The following AIFM1 variants were observed in gnomAD, a reference collection of about 807,000 sequenced individuals.
AIFM1 encodes the protein apoptosis inducing factor mitochondria associated 1, also known as apoptosis-inducing factor 1, mitochondrial.
AIFM1 carries 3 observed loss-of-function variants against 51.7 expected under a neutral mutation model. The ratio of observed to expected loss-of-function variants is 0.06; its 90% CI spans 0.03 to 0.15. AIFM1 has a LOEUF of 0.15. Ranked by LOEUF, AIFM1 falls within the 10% of genes least tolerant of loss-of-function variation. AIFM1 has a pLI of 1.00. For missense variants in AIFM1, 330 were observed against 476.8 expected (o/e 0.69, Z 2.87); for synonymous variants, 178 against 179.4 (o/e 0.99, Z 0.06).
At chrX:130,160,090 C>T (rs1348804433) in intron 1 of AIFM1, among the ~76,000 whole-genome samples, 2 of 111,978 alleles carry the variant, frequency 1.8e-5, no homozygotes, top group East Asian at 2.8e-4. Context: ...TAAACTACTG[C>T]TTGAAAAGAA....
chrX:130,145,429 T>C (rs1353299644), intron 6 of AIFM1, 50 bp downstream of exon 6: 1 of 951,853 alleles, frequency 1.1e-6, no homozygotes, highest in South Asian at 1.9e-5. Context: ...CCATACTGGC[T>C]GGTGGGCAAG....
chrX:130,133,179 G>T, intron 13 of AIFM1, 134 bp downstream of exon 13: 1 of 805,096 alleles, frequency 1.2e-6, no homozygotes, highest in Non-Finnish European at 1.9e-6. Context: ...TAGAATGTGT[G>T]GACATAAGAT....
At chrX:130,146,158 C>T (rs2030740226) in intron 5 of AIFM1, among the ~76,000 whole-genome samples, 1 of 111,963 alleles carries the variant, frequency 8.9e-6, no homozygotes, top group South Asian at 3.7e-4. Context: ...TTAATATTGG[C>T]TGAGTGCAGT....
intron 1 of AIFM1, 104 bp from the exon 2 acceptor site, chrX:130,156,707 A>G (rs1334038552): frequency 2.2e-6 from 2 of 901,724 alleles, no homozygotes; most frequent in Non-Finnish European, 3.2e-6. Flanking sequence ...TTGCCCACAG[A>G]TATTCACCGT....
At chrX:130,162,260 C>G (rs1236241306) in intron 1 of AIFM1, among the ~76,000 whole-genome samples, 2 of 111,978 alleles carry the variant, frequency 1.8e-5, no homozygotes, top group East Asian at 2.8e-4. Flanking sequence ...CCAGATTGCT[C>G]AGTTTGGTTT....
At chrX:130,137,539 T>C (rs1305092192) in intron 9 of AIFM1, 1 of 1,165,213 alleles carries the variant, frequency 8.6e-7, no homozygotes, top group South Asian at 1.9e-5. Flanking sequence ...AAAAAGAACA[T>C]TAAGAAAACT....
chrX:130,139,763 A>T (rs369198506), intron 8 of AIFM1, 32 bp downstream of exon 8: 42 of 1,193,115 alleles, frequency 3.5e-5, no homozygotes, highest in Non-Finnish European at 4.7e-5. Context: ...CTTCAAAAAC[A>T]ACACAAGGAA....
intron 2 of AIFM1, among the ~76,000 whole-genome samples, chrX:130,153,885 G>A (rs1312399908): frequency 1.8e-5 from 2 of 111,997 alleles, no homozygotes; most frequent in Non-Finnish European, 3.8e-5. Flanking sequence ...CACTCAGTCC[G>A]TGGTGTTTTG....
intron 1 of AIFM1, among the ~76,000 whole-genome samples, chrX:130,157,270 G>A (rs2031194513): frequency 1.8e-5 from 2 of 112,279 alleles, no homozygotes; most frequent in South Asian, 3.7e-4. Context: ...TTATTTTGAC[G>A]TAAAACTATG....
chrX:130,152,510 T>C (rs2031019277), intron 2 of AIFM1, among the ~76,000 whole-genome samples: 1 of 112,139 alleles, frequency 8.9e-6, no homozygotes, highest in Non-Finnish European at 1.9e-5. Flanking sequence ...TCTAAACAGA[T>C]GAATATGGTG....
At chrX:130,155,440 G>A (rs1187485182) in intron 2 of AIFM1, among the ~76,000 whole-genome samples, 1 of 112,564 alleles carries the variant, frequency 8.9e-6, no homozygotes, top group Non-Finnish European at 1.9e-5. Flanking sequence ...ATTGCAGAAT[G>A]TGTATTTCAT....
In AIFM1 at chrX:130,147,471, C is replaced by CATTTT. The variant is rs754266912; in HGVS notation, c.605+17_605+21dup. 5 of 1,211,075 alleles carry CATTTT rather than the reference C, an allele frequency of 4.1e-6. No homozygotes were observed. In the South Asian group the frequency reaches 8.8e-5, roughly 21 times the overall value. On this transcript the variant is annotated intron_variant, in intron 5 of 15. Coordinates refer to ENST00000287295, the MANE Select transcript of AIFM1 (RefSeq NM_004208.4). ...TGTGCTTAGCTGAAGTTGATAGGCT[C>CATTTT]ATTTTACATAAGCAAACACACCTTC...
intron 1 of AIFM1, among the ~76,000 whole-genome samples, chrX:130,159,047 G>C (rs1427234288): frequency 9.0e-6 from 1 of 111,441 alleles, no homozygotes. Flanking sequence ...AAGTATATGG[G>C]GCATATACCA....
intron 1 of AIFM1, among the ~76,000 whole-genome samples, chrX:130,157,601 A>G: frequency 8.9e-6 from 1 of 111,881 alleles, no homozygotes; most frequent in Non-Finnish European, 1.9e-5. Context: ...TTCCAATAAA[A>G]CTTTATGGAC....
intron 2 of AIFM1, chrX:130,155,298 G>C: frequency 8.3e-7 from 1 of 1,207,794 alleles, no homozygotes; most frequent in Non-Finnish European, 1.1e-6. Flanking sequence ...TGTAGGTAAA[G>C]ATAAGGCCAA....
intron 2 of AIFM1, chrX:130,155,047 G>A: frequency 9.9e-7 from 1 of 1,008,684 alleles, no homozygotes; most frequent in East Asian, 3.1e-5. Context: ...AACACCTAGA[G>A]AAAGCACATG....
chrX:130,154,726 G>A (rs1033403948), intron 2 of AIFM1, among the ~76,000 whole-genome samples: 9 of 112,097 alleles, frequency 8.0e-5, no homozygotes, highest in African/African-American at 2.9e-4. Flanking sequence ...CTGGTTGATC[G>A]TTTCCCACAA....
At chrX:130,140,994 T>C (rs943007797) in intron 6 of AIFM1, among the ~76,000 whole-genome samples, 1 of 112,232 alleles carries the variant, frequency 8.9e-6, no homozygotes, top group Non-Finnish European at 1.9e-5. Context: ...CATATGCCTG[T>C]GGTCCCAGCT....
intron 6 of AIFM1, among the ~76,000 whole-genome samples, chrX:130,143,939 C>T (rs1215457034): frequency 9.0e-6 from 1 of 111,625 alleles, no homozygotes; most frequent in Non-Finnish European, 1.9e-5. Context: ...GTGGCTCAGA[C>T]AGACCCGGGC....
Sources: allele counts gnomAD v4.1 joint callset (sites outside exome capture counted in the v4.1 genomes callset), GRCh38; gene constraint gnomAD v4.1.1; transcripts MANE v1.5; gene names NCBI Gene and HGNC (gene_info 2026-07-23, HGNC 2026-07-21).